The following RBBP8 variants were observed in gnomAD, a reference collection of about 807,000 sequenced individuals.
RBBP8 encodes the protein DNA endonuclease RBBP8.
RBBP8 carries 88 observed loss-of-function variants against 108.3 expected under a neutral mutation model. The observed-to-expected ratio is 0.81, with a 90% CI of 0.68 to 0.97. The LOEUF (loss-of-function observed/expected upper bound fraction) is 0.97. RBBP8 is among the 50% of genes least tolerant of loss of function. The probability of loss-of-function intolerance (pLI) is 0.00; values close to 1 mark genes in which losing one functional copy is unlikely to be tolerated. For synonymous variants in RBBP8, 332 were observed against 348.2 expected (o/e 0.95, Z 0.52); for missense variants, 1,023 against 1,049.0 (o/e 0.98, Z 0.34).
At chr18:22,994,814 T>C (rs1055944708) in intron 12 of RBBP8, among the ~76,000 whole-genome samples, 1 of 151,840 alleles carries the variant, frequency 6.6e-6, no homozygotes, top group Admixed American at 6.6e-5. Flanking sequence ...AGCCTTGACC[T>C]CCCAGGCTCA....
rs138098184 is a variant in RBBP8 at position 23,023,771 on chromosome 18, T to G, written c.2596+1501T>G. The stretch of plus-strand genomic sequence containing the variant: ...GAGTCCTTAGCCTTAAAAGAGCTAT[T>G]TAATTAAGCAGGGTCCATTTCACAG... On this transcript the variant is annotated intron_variant, in intron 18 of 18. Transcript: ENST00000327155. Among the ~76,000 whole-genome samples the G allele has an allele frequency of 5.2e-4, 79 of 152,194 alleles. 1 individual carries two copies. The highest frequency in any genetic ancestry group is 1.9e-3 in the African/African-American group (77 of 41,546).
At chr18:22,929,518 A>AGGCG (rs1909933384), upstream of RBBP8, 2 of 73,308 alleles carry the variant, frequency 2.7e-5, no homozygotes, top group Non-Finnish European at 5.3e-5. Flanking sequence ...GTGAAGAGAC[A>AGGCG]GGCGGGTGTG....
At chr18:22,919,894 G>A (rs960586655) in intron 3 of RBBP8, among the ~76,000 whole-genome samples, 4 of 151,914 alleles carry the variant, frequency 2.6e-5, no homozygotes, top group African/African-American at 9.7e-5. Flanking sequence ...TATTAGCTAC[G>A]TAAGCAATTT....
intron 3 of RBBP8, among the ~76,000 whole-genome samples, chr18:22,922,596 C>T (rs1909636303): frequency 6.6e-6 from 1 of 152,038 alleles, no homozygotes; most frequent in Non-Finnish European, 1.5e-5. Context: ...TGGAGTAGCT[C>T]GGACTATAGG....
chr18:22,975,239 C>T lies in RBBP8; in HGVS notation c.428+20C>T, dbSNP rs1400569727. 6.2e-7 allele frequency: 1 copy of T among 1,611,390 alleles called. No individual in the cohort carries two copies. The highest frequency in any genetic ancestry group is 8.5e-7 in the Non-Finnish European group (1 of 1,178,594). On this transcript the variant is annotated intron_variant, in intron 6 of 18. Transcript: ENST00000327155. ...AATTGAGTAAGTATTTTCCTCCAACCTTGTTATTTTATTTTATTTAGCTAT... is the reference window on the plus strand; with the variant it reads ...AATTGAGTAAGTATTTTCCTCCAACTTTGTTATTTTATTTTATTTAGCTAT...
At chr18:22,974,185 G>T (rs1241210073) in intron 5 of RBBP8, among the ~76,000 whole-genome samples, 1 of 152,164 alleles carries the variant, frequency 6.6e-6, no homozygotes, top group Non-Finnish European at 1.5e-5. Flanking sequence ...TAAAACACAT[G>T]CTTAACCAGT....
At chr18:23,014,814 A>G (rs1000581997) in intron 16 of RBBP8, among the ~76,000 whole-genome samples, 3 of 152,140 alleles carry the variant, frequency 2.0e-5, no homozygotes, top group Non-Finnish European at 4.4e-5. Flanking sequence ...AGTTATGCCT[A>G]ATATTTTGAA....
chr18:22,928,675 C>CTT (rs202034700), upstream of RBBP8, among the ~76,000 whole-genome samples: 42 of 145,416 alleles, frequency 2.9e-4, no homozygotes, highest in South Asian at 6.6e-4. Flanking sequence ...GCCTTTTTTT[C>CTT]TTTTTTTTTT....
upstream of RBBP8, among the ~76,000 whole-genome samples, chr18:22,933,144 A>G (rs1910144540): frequency 6.6e-6 from 1 of 152,264 alleles, no homozygotes; most frequent in African/African-American, 2.4e-5. Context: ...AGCGCAATTC[A>G]GAAATGCTGT....
At chr18:22,970,333 C>T (rs1261712913) in intron 5 of RBBP8, among the ~76,000 whole-genome samples, 1 of 152,098 alleles carries the variant, frequency 6.6e-6, no homozygotes, top group Non-Finnish European at 1.5e-5. Flanking sequence ...ATAATGTCTA[C>T]ATATCTAATA....
At chr18:22,965,783 C>T (rs989895759) in intron 4 of RBBP8, among the ~76,000 whole-genome samples, 4 of 152,034 alleles carry the variant, frequency 2.6e-5, no homozygotes, top group Admixed American at 1.3e-4. Context: ...AATTGTTGAG[C>T]CTTTTGGGAA....
rs565668102 is a variant in RBBP8, at chr18:22,970,081, C to T, written c.361+1163C>T. Among the ~76,000 whole-genome samples, 3 of 152,332 alleles carry T rather than the reference C, an allele frequency of 2.0e-5. No homozygotes were observed. The East Asian group carries it at 5.8e-4, about 29-fold the overall frequency. On this transcript the variant is annotated intron_variant, in intron 5 of 18. Coordinates refer to ENST00000327155, the MANE Select transcript of RBBP8 (RefSeq NM_002894.3). ...TAACCTACCCACATTCTCTTGCATA[C>T]TTTAAATCATCTCTAGATTCCTTAT...
chr18:22,965,101 G>A (rs1483691878), intron 4 of RBBP8, among the ~76,000 whole-genome samples: 1 of 152,050 alleles, frequency 6.6e-6, no homozygotes, highest in African/African-American at 2.4e-5. Flanking sequence ...TTAAGTGAAG[G>A]CTTACTGTAT....
intron 12 of RBBP8, among the ~76,000 whole-genome samples, chr18:22,994,240 G>T (rs1219226548): frequency 6.7e-6 from 1 of 149,134 alleles, no homozygotes. Context: ...AGCCAGGATG[G>T]TCTAGATCTC....
chr18:22,943,531 T>C (rs977129692), intron 2 of RBBP8, among the ~76,000 whole-genome samples: 9 of 152,112 alleles, frequency 5.9e-5, no homozygotes, highest in Admixed American at 4.6e-4. Flanking sequence ...CCACAAAAAT[T>C]AATTTACCCA....
intron 9 of RBBP8, among the ~76,000 whole-genome samples, chr18:22,989,688 A>T (rs7234828): frequency 3.9e-5 from 6 of 151,990 alleles, no homozygotes; most frequent in Admixed American, 2.6e-4. Context: ...TAGAGATAGG[A>T]TCTCATTGTG....
At chr18:22,962,476 A>C (rs1242385408) in intron 4 of RBBP8, among the ~76,000 whole-genome samples, 4 of 152,068 alleles carry the variant, frequency 2.6e-5, no homozygotes, top group African/African-American at 7.2e-5. Flanking sequence ...AATTGCACCA[A>C]GTTCCCCAAC....
At position 22,993,393 on chromosome 18, in the gene RBBP8, T is replaced by C. The variant is rs538276695; in HGVS notation, c.1566T>C (p.Tyr522=). The C allele has an allele frequency of 3.3e-5, 53 of 1,614,252 alleles. 1 individual carries two copies. The South Asian group carries it at 5.3e-4, about 16-fold the overall frequency. The change falls in exon 11 of 19, where the codon TAT becomes TAC. Residue 522 remains tyrosine (Y), a synonymous_variant. Transcript: ENST00000327155. ...ACAAATTTAGGCAAGTGACTCTTTA[T>C]GAGGCTTTGAAGACCATTCCAAAGG... The part of the protein sequence containing the change: ...SKNKFRQVTL[Y]EALKTIPKGF...
intron 16 of RBBP8, among the ~76,000 whole-genome samples, chr18:23,012,045 A>G (rs1341323631): frequency 6.6e-6 from 1 of 151,940 alleles, no homozygotes; most frequent in Non-Finnish European, 1.5e-5. Flanking sequence ...TACAAAAAAT[A>G]CAAAAAAAAT....
Sources: gnomAD v4.1 joint callset for allele counts (sites outside exome capture counted in the v4.1 genomes callset) on GRCh38, gnomAD v4.1.1 for gene constraint, MANE v1.5 for transcripts, NCBI Gene and HGNC (gene_info 2026-07-23, HGNC 2026-07-21) for gene names.